The following VPS13C variants were observed in gnomAD, a reference collection of about 807,000 sequenced individuals.
VPS13C encodes the protein vacuolar protein sorting 13 homolog C, also known as intermembrane lipid transfer protein VPS13C.
VPS13C carries 358 observed loss-of-function variants against 456.8 expected under a neutral mutation model. The ratio of observed to expected loss-of-function variants is 0.78; its 90% confidence interval spans 0.72 to 0.86. The LOEUF (loss-of-function observed/expected upper bound fraction) is 0.86. Ranked by LOEUF, VPS13C falls within the 40% of genes least tolerant of loss-of-function variation. VPS13C has a pLI of 0.00. For missense variants in VPS13C, 4,818 were observed against 4,385.4 expected, an observed-to-expected ratio of 1.10 and a Z score of -2.79; for synonymous variants, 1,578 against 1,486.7, an observed-to-expected ratio of 1.06 and a Z score of -1.41.
intron 66 of VPS13C, among the ~76,000 whole-genome samples, chr15:61,896,509 G>A (rs565675648): frequency 1.2e-4 from 18 of 152,248 alleles, no homozygotes; most frequent in Admixed American, 1.3e-4. Flanking sequence ...CTGGAAAATC[G>A]GGTCACTCCC....
chr15:61,912,009 G>A lies in VPS13C; in HGVS notation c.8551-5C>T. Reference sequence around the variant, plus strand: ...CATTTTGATGCTAACACCAACCTGTGGAAAGGAAAAAAGCTTATTTTCCAG... The same window carrying A: ...CATTTTGATGCTAACACCAACCTGTAGAAAGGAAAAAAGCTTATTTTCCAG... On this transcript the variant is annotated splice_region_variant and splice_polypyrimidine_tract_variant and intron_variant, in intron 62 of 84. Coordinates refer to ENST00000644861, the MANE Select transcript of VPS13C (RefSeq NM_020821.3). 3 of 1,559,808 alleles carry A rather than the reference G, an allele frequency of 1.9e-6. No individual in the cohort carries two copies. Among genetic ancestry groups the A allele is most frequent in the African/African-American group, 1.4e-5 (1 of 73,274 alleles).
intron 34 of VPS13C, 67 bp downstream of exon 34, chr15:61,962,304 C>A: frequency 7.2e-7 from 1 of 1,394,968 alleles, no homozygotes; most frequent in South Asian, 1.6e-5. Flanking sequence ...TAACATTTGC[C>A]ATCATAATTA....
intron 65 of VPS13C, 85 bp from the exon 66 acceptor site, chr15:61,907,475 A>C (rs1188086096): frequency 6.7e-7 from 1 of 1,501,340 alleles, no homozygotes; most frequent in East Asian, 2.3e-5. Context: ...AGGGATTAGC[A>C]CAGAAGTCCT....
chr15:61,981,837 T>G (rs1441088693), intron 21 of VPS13C, among the ~76,000 whole-genome samples: 1 of 151,722 alleles, frequency 6.6e-6, no homozygotes, highest in Non-Finnish European at 1.5e-5. Context: ...CACTCCAGCC[T>G]GGGCAAAAGA....
chr15:61,926,739 AT>A (rs1390146271), intron 52 of VPS13C, among the ~76,000 whole-genome samples: 9 of 152,210 alleles, frequency 5.9e-5, no homozygotes, highest in Admixed American at 5.9e-4. Context: ...CTCCAATTTA[AT>A]TTTTTTCATT....
intron 61 of VPS13C, among the ~76,000 whole-genome samples, chr15:61,914,987 C>T (rs781599021): frequency 6.6e-6 from 1 of 150,916 alleles, no homozygotes; most frequent in South Asian, 2.1e-4. Context: ...GATGTCTAGG[C>T]CCATTTTAAA....
intron 10 of VPS13C, among the ~76,000 whole-genome samples, chr15:62,013,593 C>T (rs759600249): frequency 1.6e-4 from 25 of 151,888 alleles, no homozygotes; most frequent in Non-Finnish European, 2.7e-4. Context: ...TAAAATGAAA[C>T]GTATCTGTTT....
At chr15:61,869,702 G>A in intron 79 of VPS13C, 79 bp from the exon 80 acceptor site, 1 of 1,584,726 alleles carries the variant, frequency 6.3e-7, no homozygotes, top group Non-Finnish European at 8.6e-7. Context: ...ACCTGGGCCA[G>A]ATACTGAACT....
intron 79 of VPS13C, among the ~76,000 whole-genome samples, chr15:61,871,706 A>G (rs183890991): frequency 1.3e-5 from 2 of 152,262 alleles, no homozygotes; most frequent in East Asian, 3.9e-4. Context: ...AATGGGATAA[A>G]AACAACAACA....
At chr15:61,898,186 T>C (rs1443208100) in intron 66 of VPS13C, among the ~76,000 whole-genome samples, 1 of 149,712 alleles carries the variant, frequency 6.7e-6, no homozygotes, top group Non-Finnish European at 1.5e-5. Context: ...AGGAAGAAAC[T>C]GCATCAACTA....
rs558788053 is a variant in VPS13C, at chr15:62,000,574, G to A, written c.1343C>T (p.Ala448Val). Reference sequence around the variant, plus strand: ...AATAAAAATGATTACCTCAACTTGTGCTTGTTGCCTTGCTAAAATTATGTT... The same window carrying A: ...AATAAAAATGATTACCTCAACTTGTACTTGTTGCCTTGCTAAAATTATGTT... Reference protein sequence around the residue: ...VFNIILARQQAQVEVIRSGQK... With the variant: ...VFNIILARQQVQVEVIRSGQK... The change falls in exon 16 of 85, where the codon GCA (alanine) becomes GTA (valine). Residue 448 changes from alanine to valine, a missense_variant. This residue lies in a region of VPS13C where 4,552 missense variants were observed against 4,130.6 expected (regional missense o/e 1.10). Coordinates refer to ENST00000644861, the MANE Select transcript of VPS13C (RefSeq NM_020821.3). 1.6e-5 allele frequency: 26 copies of A among 1,607,272 alleles called. No homozygotes were observed. The highest frequency in any genetic ancestry group is 1.6e-4 in the Middle Eastern group (1 of 6,064).
At chr15:62,000,743 G>C (rs879217120) in intron 15 of VPS13C, 117 bp from the exon 16 acceptor site, 3 of 708,694 alleles carry the variant, frequency 4.2e-6, no homozygotes, top group Non-Finnish European at 6.6e-6. Flanking sequence ...CCTAATGAAA[G>C]TATTAGTATA....
intron 43 of VPS13C, 152 bp from the exon 44 acceptor site, chr15:61,946,562 T>C (rs2044611584): frequency 2.3e-6 from 1 of 438,570 alleles, no homozygotes; most frequent in Non-Finnish European, 4.0e-6. Context: ...ATGTATGAGA[T>C]ACCTAAGAAA....
rs1596257231 is a variant in VPS13C, at chr15:61,854,652, AAACAGGACC to A, written c.11161-103_11161-95del. 10 of 1,308,982 alleles carry A rather than the reference AAACAGGACC, an allele frequency of 7.6e-6. No individual in the cohort carries two copies. The East Asian group carries it at 2.3e-4, about 30-fold the overall frequency. The allele number at this position is 1,308,982 out of a possible 1,614,324, so 81.1% of individuals were successfully genotyped here. ...ATGAAAGCAAGGGCTGAAGCTCTCC[AAACAGGACC>A]AACAGCTAAGGACCAAGGATACAGT... On this transcript the variant is annotated intron_variant, in intron 84 of 84. Coordinates refer to ENST00000644861, the MANE Select transcript of VPS13C (RefSeq NM_020821.3).
chr15:61,898,178 G>A (rs901711845), intron 66 of VPS13C, among the ~76,000 whole-genome samples: 2 of 151,804 alleles, frequency 1.3e-5, no homozygotes, highest in African/African-American at 4.8e-5. Flanking sequence ...TCGAGACTAG[G>A]AAGAAACTGC....
At position 61,959,571 on chromosome 15, in the gene VPS13C, G is replaced by A. The variant is rs377025554; in HGVS notation, c.3933C>T (p.Tyr1311=). 12 of 1,612,694 alleles carry A rather than the reference G, an allele frequency of 7.4e-6. No homozygotes were observed. The African/African-American group carries it at 1.6e-4, about 22-fold the overall frequency. The change falls in exon 36 of 85, where the codon TAC becomes TAT. Residue 1311 remains tyrosine (Y), a synonymous_variant. Transcript: ENST00000644861. ...GGTGCAACAGCTGAATATCAGGATGGTAGATGCCTGGCTGGATCACTGTCC... is the reference window on the plus strand; with the variant it reads ...GGTGCAACAGCTGAATATCAGGATGATAGATGCCTGGCTGGATCACTGTCC... The part of the protein sequence containing the change: ...LYRTVIQPGI[Y]HPDIQLLHPI...
intron 77 of VPS13C, 47 bp downstream of exon 77, chr15:61,874,826 TAAC>T (rs1895293973): frequency 3.4e-6 from 5 of 1,461,148 alleles, no homozygotes; most frequent in Non-Finnish European, 4.6e-6. Flanking sequence ...ACGTATTTCA[TAAC>T]AATATAATAA....
At chr15:61,855,473 G>A (rs78206609) in intron 83 of VPS13C, among the ~76,000 whole-genome samples, 1,784 of 152,174 alleles carry the variant, frequency 0.012, 45 homozygotes, top group African/African-American at 0.041. Context: ...TAGTAATGCT[G>A]AAATACAAAA....
intron 81 of VPS13C, 78 bp from the exon 82 acceptor site, chr15:61,863,606 A>T: frequency 1.1e-6 from 1 of 874,618 alleles, no homozygotes; most frequent in Non-Finnish European, 1.8e-6. Context: ...TTAGCTAATT[A>T]TAATAATAGT....
Sources: gnomAD v4.1 joint callset for allele counts (sites outside exome capture counted in the v4.1 genomes callset) on GRCh38, gnomAD v4.1.1 for gene constraint, gnomAD v4.1.1 regional missense constraint, MANE v1.5 for transcripts, NCBI Gene and HGNC (gene_info 2026-07-23, HGNC 2026-07-21) for gene names.